ZNF117: variants seen among roughly 807,000 people sequenced by gnomAD.
The protein encoded by ZNF117 is Krueppel-related zinc finger protein.
A neutral mutation model predicts 41.2 loss-of-function variants in ZNF117; 37 were observed. The observed-to-expected ratio is 0.90, with a 90% confidence interval of 0.69 to 1.18. ZNF117 has a LOEUF of 1.18. Ranked by LOEUF, ZNF117 falls within the 50% of genes most tolerant of loss-of-function variation. ZNF117 has a pLI of 0.00. For missense variants in ZNF117, 546 were observed against 557.5 expected, an observed-to-expected ratio of 0.98 and a Z score of 0.21; for synonymous variants, 186 against 186.6, an observed-to-expected ratio of 1.00 and a Z score of 0.02.
At chr7:64,978,199 A>C in exon 3 of ZNF117, 21 of 1,612,846 alleles carry the variant, frequency 1.3e-5, no homozygotes, top group Non-Finnish European at 1.8e-5. Context: ...GTAAGTGTTG[A>C]AGATTGGTTA....
At position 64,977,860 on chromosome 7, in the gene ZNF117, T is replaced by G. The variant is rs1194061552; in HGVS notation, c.*259A>C. ...TGAATTTTCTTATGTTTAATAAGGT[T>G]TGATGATCAATTAAAAGCTCTGCCA... On this transcript the variant is annotated 3_prime_UTR_variant, in exon 3 of 3. Coordinates refer to ENST00000620222, the Ensembl canonical transcript of ZNF117. 21 of 1,141,336 alleles carry G rather than the reference T, an allele frequency of 1.8e-5. No individual in the cohort carries two copies. In the Admixed American group the frequency reaches 3.2e-4, roughly 17 times the overall value. The allele number at this position is 1,141,336 out of a possible 1,614,324, so 70.7% of individuals were successfully genotyped here. A position where few individuals can be genotyped will look rare whatever the true frequency, so the allele number is the denominator to read the frequency against.
chr7:64,978,915 A>G, exon 3 of ZNF117: 1 of 1,610,508 alleles, frequency 6.2e-7, no homozygotes, highest in Non-Finnish European at 8.5e-7. Context: ...TTTGTAGGGA[A>G]TTTCCCCAGT....
chr7:64,979,083 T>A (rs2129118795), exon 3 of ZNF117: 1 of 1,613,160 alleles, frequency 6.2e-7, no homozygotes, highest in South Asian at 1.1e-5. Context: ...TTTGTAAGGT[T>A]TTTCTCCAGT....
In ZNF117 at chr7:64,978,536, G is replaced by C. The variant is rs575483615; in HGVS notation, c.1035C>G (p.Leu345=). ...TTACCTTATGTCTAGTAAGGTTTGA[G>C]AGTTGGTTAAAAGCTTTGCCACATT... Residue 345 remains leucine, a synonymous_variant, in exon 3 of 3, where the codon CTC becomes CTG. Coordinates refer to ENST00000620222, the Ensembl canonical transcript of ZNF117. The C allele has an allele frequency of 1.9e-5, 31 of 1,610,094 alleles. No homozygotes were observed. The East Asian group carries it at 6.1e-4, about 31-fold the overall frequency.
chr7:64,981,274 T>C, intron 2 of ZNF117, 113 bp downstream of exon 3: 1 of 1,396,146 alleles, frequency 7.2e-7, no homozygotes. Flanking sequence ...ACTCGGGCTT[T>C]CCAGAAACTA....
At chr7:64,987,633 A>G (rs1786162001) in intron 1 of ZNF117, among the ~76,000 whole-genome samples, 1 of 152,104 alleles carries the variant, frequency 6.6e-6, no homozygotes, top group African/African-American at 2.4e-5. Flanking sequence ...AATACAAATA[A>G]CTGTTGAAGT....
chr7:64,978,472 C>A, exon 3 of ZNF117: 1 of 1,613,558 alleles, frequency 6.2e-7, no homozygotes, highest in Non-Finnish European at 8.5e-7. Context: ...AAGGCTTTGC[C>A]ACATTCTCCA....
upstream of ZNF117, among the ~76,000 whole-genome samples, chr7:64,983,840 C>T (rs1158912255): frequency 6.6e-6 from 1 of 152,108 alleles, no homozygotes; most frequent in Non-Finnish European, 1.5e-5. Context: ...AAGAGAAAAA[C>T]AGCTCTCACT....
chr7:64,979,363 T>C (rs776794881), exon 3 of ZNF117: 1 of 1,601,518 alleles, frequency 6.2e-7, no homozygotes, highest in Non-Finnish European at 8.5e-7. Flanking sequence ...AAACATTGGT[T>C]AAGTCCACTA....
exon 3 of ZNF117, chr7:64,978,979 A>C (rs1277763801): frequency 6.2e-7 from 1 of 1,613,390 alleles, no homozygotes; most frequent in Non-Finnish European, 8.5e-7. Flanking sequence ...GCTTTGCCAC[A>C]TTCTTCACAT....
upstream of ZNF117, among the ~76,000 whole-genome samples, chr7:64,985,214 T>C (rs918552770): frequency 2.0e-5 from 3 of 152,274 alleles, no homozygotes; most frequent in African/African-American, 7.2e-5. Flanking sequence ...CATATAACTA[T>C]GCTAATTGTA....
At chr7:64,982,112 G>A (rs1346184185) in exon 1 of ZNF117, 8 of 939,198 alleles carry the variant, frequency 8.5e-6, no homozygotes, top group South Asian at 1.4e-5. Context: ...AAATGTCAAT[G>A]GTCCCTGAAA....
At chr7:64,972,315 C>T (rs1785796680), downstream of ZNF117, 1 of 151,858 alleles carries the variant, frequency 6.6e-6, no homozygotes, top group South Asian at 2.1e-4. Flanking sequence ...ATATCCAAAA[C>T]AAGTGAAATC....
exon 3 of ZNF117, chr7:64,976,262 T>C (rs1437295686): frequency 1.3e-5 from 2 of 152,442 alleles, no homozygotes; most frequent in Non-Finnish European, 2.9e-5. Context: ...GCCAACATGG[T>C]GATAGCCAGT....
chr7:64,979,713 AT>A (rs1436671769), intron 2 of ZNF117, among the ~76,000 whole-genome samples, 177 bp from the exon 4 acceptor site: 49 of 152,050 alleles, frequency 3.2e-4, no homozygotes, highest in African/African-American at 1.1e-3. Flanking sequence ...ACCAAAATGC[AT>A]TTATAGAAAA....
chr7:64,989,388 T>G (rs7812013), intron 1 of ZNF117, among the ~76,000 whole-genome samples: 1 of 139,914 alleles, frequency 7.1e-6, no homozygotes, highest in Non-Finnish European at 1.5e-5. Context: ...CTTTCTTACA[T>G]GATATATAAA....
exon 3 of ZNF117, chr7:64,979,209 A>T: frequency 6.2e-7 from 1 of 1,609,624 alleles, no homozygotes; most frequent in Non-Finnish European, 8.5e-7. Flanking sequence ...TAGGTGTGAA[A>T]GCATGCAAAA....
upstream of ZNF117, among the ~76,000 whole-genome samples, chr7:64,986,763 T>C (rs1039250173): frequency 3.3e-5 from 5 of 152,174 alleles, no homozygotes; most frequent in African/African-American, 9.7e-5. Context: ...GAGTTTGGGC[T>C]CTGAAGATTT....
chr7:64,989,455 A>ATATATATATATATATATT (rs1786208165), intron 1 of ZNF117, among the ~76,000 whole-genome samples: 1 of 29,830 alleles, frequency 3.4e-5, no homozygotes, highest in Non-Finnish European at 6.9e-5. Context: ...ATATATATAT[A>ATATATATATATATATATT]TATATATATA....
Sources: allele counts gnomAD v4.1 joint callset (sites outside exome capture counted in the v4.1 genomes callset), GRCh38; gene constraint gnomAD v4.1.1; transcripts MANE v1.5; gene names NCBI Gene and HGNC (gene_info 2026-07-23, HGNC 2026-07-21).